PIK3R6: variants seen among roughly 807,000 people sequenced by gnomAD.
PIK3R6 encodes the protein phosphoinositide 3-kinase regulatory subunit 6.
PIK3R6 carries 91 observed loss-of-function variants against 84.9 expected under a neutral mutation model. The observed-to-expected ratio is 1.07, with a 90% confidence interval of 0.90 to 1.28. The LOEUF (loss-of-function observed/expected upper bound fraction) is 1.28, where lower values mean the gene tolerates loss of function less well. Ranked by LOEUF, PIK3R6 falls within the 50% of genes most tolerant of loss-of-function variation. The pLI is 0.00. For missense variants in PIK3R6, 996 were observed against 985.1 expected, an observed-to-expected ratio of 1.01 and a Z score of -0.15; for synonymous variants, 416 against 411.4, an observed-to-expected ratio of 1.01 and a Z score of -0.13.
rs2087951633 is a variant in PIK3R6, at chr17:8,827,260, T to C, written c.1427A>G (p.Glu476Gly). The change falls in exon 13 of 20, where the codon GAG becomes GGG. Residue 476 changes from glutamate (E) to glycine (G), a missense_variant. Glu to Gly is a moderately conservative substitution (Grantham distance 98). Transcript: ENST00000619866. ...PAASRQPELG[E>G]LATFLGRVDP... ...TACGCGGCCCAGGAACGTAGCCAGC[T>C]CTCCCAGCTCCGGCTGCCTGGATGC... is the stretch of plus-strand genomic sequence containing the variant. 1 of 1,572,238 alleles carries C rather than the reference T, an allele frequency of 6.4e-7. No homozygotes were observed.
At position 8,849,771 on chromosome 17, in the gene PIK3R6, A is replaced by G; in HGVS notation, c.13+11T>C. On this transcript the variant is annotated intron_variant, in intron 2 of 19. Coordinates refer to ENST00000619866, the MANE Select transcript of PIK3R6 (RefSeq NM_001010855.4). Reference sequence around the variant, plus strand: ...AGGCTCACTAGACCCCTTTCCCCCCACCACACTGACCTGAGCTCTCCATGG... The same window carrying G: ...AGGCTCACTAGACCCCTTTCCCCCCGCCACACTGACCTGAGCTCTCCATGG... 6.2e-7 allele frequency: 1 copy of G among 1,610,806 alleles called. No individual in the cohort carries two copies. Among genetic ancestry groups the G allele is most frequent in the Non-Finnish European group, 8.5e-7 (1 of 1,178,264 alleles).
At chr17:8,818,584 G>A (rs1385727310) in intron 18 of PIK3R6, among the ~76,000 whole-genome samples, 2 of 152,176 alleles carry the variant, frequency 1.3e-5, no homozygotes, top group Non-Finnish European at 2.9e-5. Flanking sequence ...GAGAGGCGGG[G>A]GTTGCAGTGA....
rs1175759442 is a variant in PIK3R6 at position 8,829,779 on chromosome 17, T to C, written c.816A>G (p.Gln272=). The part of the protein sequence containing the change: ...AAGRCGGDLV[Q]ERPPSIPLPS... ...GCAGGGGAATGCTTGGTGGCCGCTC[T>C]TGGACAAGGTCACCTGCAGAAAGGA... The change falls in exon 10 of 20, where the codon CAA becomes CAG. Residue 272 remains glutamine (Q), a synonymous_variant. Coordinates refer to ENST00000619866, the MANE Select transcript of PIK3R6 (RefSeq NM_001010855.4). 6.4e-7 allele frequency: 1 copy of C among 1,551,514 alleles called. No individual in the cohort carries two copies. Among genetic ancestry groups the C allele is most frequent in the Non-Finnish European group, 8.7e-7 (1 of 1,147,186 alleles).
chr17:8,819,389 C>A (rs755580881), intron 17 of PIK3R6, among the ~76,000 whole-genome samples, 191 bp from the exon 18 acceptor site: 1 of 152,086 alleles, frequency 6.6e-6, no homozygotes, highest in Non-Finnish European at 1.5e-5. Context: ...TCTTCCTTCC[C>A]TGGTGAATCC....
Position 8,842,063 on chromosome 17 carries a change from A to G in PIK3R6, c.14-2366T>C, listed in dbSNP as rs2088695522. ...CTCTTGCTTCATCTCTCAGCATGTG[A>G]TCTGTACACACTGGCTCCCCTTCCA... On this transcript the variant is annotated intron_variant, in intron 2 of 19. Coordinates refer to ENST00000619866, the MANE Select transcript of PIK3R6 (RefSeq NM_001010855.4). The surrounding 1 kb of genome is among the most constrained non-coding windows in gnomAD (Gnocchi z 4.5). Among the ~76,000 whole-genome samples the G allele has an allele frequency of 1.3e-5, 2 of 152,028 alleles. No homozygotes were observed. The highest frequency in any genetic ancestry group is 1.3e-4 in the Admixed American group (2 of 15,264).
intron 13 of PIK3R6, among the ~76,000 whole-genome samples, chr17:8,825,794 C>A (rs188898597): frequency 2.9e-4 from 44 of 152,218 alleles, no homozygotes; most frequent in African/African-American, 1.0e-3. Flanking sequence ...ACTCCAAAGG[C>A]AGAAACTGTA....
chr17:8,853,692 A>T (rs558473213), intron 1 of PIK3R6, among the ~76,000 whole-genome samples: 79 of 151,736 alleles, frequency 5.2e-4, no homozygotes, highest in Non-Finnish European at 6.3e-4. Context: ...AGCCAGGCAC[A>T]GTGGCTCACA....
chr17:8,824,280 A>G (rs1483831470), intron 13 of PIK3R6, among the ~76,000 whole-genome samples: 1 of 152,226 alleles, frequency 6.6e-6, no homozygotes, highest in Non-Finnish European at 1.5e-5. Context: ...AAAATAAAAT[A>G]AAACAATTCA....
Position 8,821,878 on chromosome 17 carries a change from A to T in PIK3R6, c.1847T>A (p.Ile616Asn). 6.3e-7 allele frequency: 1 copy of T among 1,597,890 alleles called. No individual in the cohort carries two copies. Among genetic ancestry groups the T allele is most frequent in the Non-Finnish European group, 8.5e-7 (1 of 1,172,196 alleles). Residue 616 changes from isoleucine (I) to asparagine (N), a missense_variant, in exon 17 of 20, where the codon ATC (isoleucine) becomes AAC (asparagine). Ile to Asn is a moderately radical substitution (Grantham distance 149). Transcript: ENST00000619866. ...VTVSLRATGLILKAIPASDTE... is the reference protein window; with the variant it reads ...VTVSLRATGLNLKAIPASDTE... ...GTCGCTGGCTGGAATGGCCTTCAGG[A>T]TCAGCCCAGTGGCCCGCAGGGAAAC...
intron 1 of PIK3R6, among the ~76,000 whole-genome samples, chr17:8,852,292 A>G (rs938197640): frequency 6.6e-6 from 1 of 152,254 alleles, no homozygotes; most frequent in Non-Finnish European, 1.5e-5. Flanking sequence ...TTACATATCC[A>G]TATTTTACCA....
rs1300621011 is a variant in PIK3R6, at chr17:8,835,422, C to T, written c.496G>A (p.Ala166Thr). Residue 166 changes from alanine to threonine, a missense_variant, in exon 8 of 20, where the codon GCG (alanine) becomes ACG (threonine). Transcript: ENST00000619866. ...AGTAGCAGAGCACTGCACACAGACG[C>T]AGACACCAGCTCAGGATCCACGAAG... ...FLFVDPELVS[A>T]SVCSALLLEI... The T allele has an allele frequency of 4.4e-6, 7 of 1,592,908 alleles. No individual in the cohort carries two copies. In the South Asian group the frequency reaches 6.7e-5, roughly 15 times the overall value.
At chr17:8,822,706 GC>G in intron 15 of PIK3R6, 49 bp from the exon 16 acceptor site, 1 of 1,572,432 alleles carries the variant, frequency 6.4e-7, no homozygotes, top group African/African-American at 1.4e-5. Flanking sequence ...CAGGCCTCTT[GC>G]CCTAACTTCC....
rs1211420358 is a variant in PIK3R6 at position 8,839,527 on chromosome 17, G to C, written c.97+87C>G. On this transcript the variant is annotated intron_variant, in intron 3 of 19. Coordinates refer to ENST00000619866, the MANE Select transcript of PIK3R6 (RefSeq NM_001010855.4). This position sits in a 1 kb window ranked among gnomAD's most constrained non-coding sequence, Gnocchi z 4.2. ...ACCCTTGCCCCCTGAGCTCCAGGCCGGGGCTCTTTCCTGTATGCGCGTGTA... is the reference window on the plus strand; with the variant it reads ...ACCCTTGCCCCCTGAGCTCCAGGCCCGGGCTCTTTCCTGTATGCGCGTGTA... 21 of 1,079,122 alleles carry C rather than the reference G, an allele frequency of 1.9e-5. No homozygotes were observed. The East Asian group carries it at 5.9e-4, about 30-fold the overall frequency. 66.8% of individuals were successfully genotyped at this position (1,079,122 alleles called of 1,614,324 possible).
intron 15 of PIK3R6, among the ~76,000 whole-genome samples, 163 bp from the exon 16 acceptor site, chr17:8,822,820 T>C (rs973218582): frequency 2.0e-5 from 3 of 151,290 alleles, no homozygotes; most frequent in African/African-American, 7.4e-5. Context: ...CTTTCAGTCT[T>C]GTGGGGGTTG....
intron 1 of PIK3R6, among the ~76,000 whole-genome samples, chr17:8,863,901 C>A (rs1197238272): frequency 2.0e-5 from 3 of 152,158 alleles, no homozygotes; most frequent in Non-Finnish European, 4.4e-5. Context: ...CTAAAAAAGG[C>A]CCGACAGCAA....
At position 8,844,515 on chromosome 17, in the gene PIK3R6, T is replaced by C. The variant is rs1256190034; in HGVS notation, c.14-4818A>G. Among the ~76,000 whole-genome samples the C allele has an allele frequency of 1.3e-5, 2 of 152,198 alleles. No homozygotes were observed. The highest frequency in any genetic ancestry group is 2.9e-5 in the Non-Finnish European group (2 of 68,030). ...CTAACATCCTTGATGACTCGAATAG[T>C]CAATAGATAAATGGCATCCATTATT... is the stretch of plus-strand genomic sequence containing the variant. On this transcript the variant is annotated intron_variant, in intron 2 of 19. Transcript: ENST00000619866. The surrounding 1 kb of genome is among the most constrained non-coding windows in gnomAD (Gnocchi z 4.5).
intron 13 of PIK3R6, 83 bp downstream of exon 13, chr17:8,827,089 T>A: frequency 6.7e-7 from 1 of 1,492,840 alleles, no homozygotes; most frequent in African/African-American, 1.4e-5. Flanking sequence ...CCTCGCTGCC[T>A]ACTTGGGCTC....
chr17:8,831,532 T>A (rs1354485834), intron 9 of PIK3R6, among the ~76,000 whole-genome samples: 1 of 151,892 alleles, frequency 6.6e-6, no homozygotes, highest in African/African-American at 2.4e-5. Flanking sequence ...AGGAGCTTTT[T>A]CCATGTGGGA....
At chr17:8,831,328 TAAAAAAAAAAAA>T (rs60650147) in intron 9 of PIK3R6, among the ~76,000 whole-genome samples, 10 of 33,074 alleles carry the variant, frequency 3.0e-4, no homozygotes, top group Non-Finnish European at 4.5e-4. Flanking sequence ...AGACCCTGTC[TAAAAAAAAAAAA>T]AAAAAAAAAA....
Sources: allele counts gnomAD v4.1 joint callset (sites outside exome capture counted in the v4.1 genomes callset), GRCh38; gene constraint gnomAD v4.1.1; non-coding constraint Gnocchi (gnomAD v3.1); transcripts MANE v1.5; gene names NCBI Gene and HGNC (gene_info 2026-07-23, HGNC 2026-07-21).